The following DMBT1 variants were observed in gnomAD, a reference collection of about 807,000 sequenced individuals.
DMBT1 encodes the protein scavenger receptor cysteine-rich domain-containing protein DMBT1.
DMBT1 carries 198 observed loss-of-function variants against 252.9 expected under a neutral mutation model. The ratio of observed to expected loss-of-function variants is 0.78; its 90% confidence interval spans 0.70 to 0.88. The LOEUF (loss-of-function observed/expected upper bound fraction) is 0.88. Ranked by LOEUF, DMBT1 falls within the 40% of genes least tolerant of loss-of-function variation. The pLI is 0.00. For synonymous variants in DMBT1, 990 were observed against 942.7 expected, an observed-to-expected ratio of 1.05 and a Z score of -0.92; for missense variants, 2,432 against 2,404.7, an observed-to-expected ratio of 1.01 and a Z score of -0.24.
intron 45 of DMBT1, 148 bp from the exon 46 acceptor site, chr10:122,625,785 C>T: frequency 2.8e-6 from 2 of 702,580 alleles, no homozygotes; most frequent in Middle Eastern, 3.2e-4. Context: ...CTAGACCTTA[C>T]TGGCCATGAA....
intron 7 of DMBT1, among the ~76,000 whole-genome samples, 200 bp downstream of exon 7, chr10:122,576,922 T>G (rs996281620): frequency 1.3e-5 from 2 of 152,216 alleles, no homozygotes; most frequent in South Asian, 4.1e-4. Flanking sequence ...GAGAATATAG[T>G]AACAGGTTTC....
Position 122,576,393 on chromosome 10 carries a change from C to A in DMBT1, c.284-6C>A. The A allele has an allele frequency of 6.2e-7, 1 of 1,613,180 alleles. No homozygotes were observed. Among genetic ancestry groups the A allele is most frequent in the Non-Finnish European group, 8.5e-7 (1 of 1,179,438 alleles). The stretch of plus-strand genomic sequence containing the variant: ...TGTGCAAGAGAAATTCTGTGCCTTC[C>A]TCTAGGATCTGATTCTGGTTTGGCC... On this transcript the variant is annotated splice_region_variant and splice_polypyrimidine_tract_variant and intron_variant, in intron 6 of 55. Coordinates refer to ENST00000338354, the MANE Select transcript of DMBT1 (RefSeq NM_001377530.1).
intron 55 of DMBT1, among the ~76,000 whole-genome samples, chr10:122,641,667 A>G (rs1299504279): frequency 1.3e-5 from 2 of 152,208 alleles, no homozygotes; most frequent in Non-Finnish European, 2.9e-5. Context: ...ATTGATTGAC[A>G]TTAATGAAAA....
At chr10:122,598,750 A>T in intron 25 of DMBT1, 24 bp from the exon 26 acceptor site, 1 of 1,612,602 alleles carries the variant, frequency 6.2e-7, no homozygotes. Flanking sequence ...GGGATGGATG[A>T]AGGATTCTTG....
At chr10:122,640,588 T>A (rs1266609632) in intron 55 of DMBT1, 139 bp downstream of exon 55, 2 of 917,702 alleles carry the variant, frequency 2.2e-6, no homozygotes, top group African/African-American at 3.4e-5. Context: ...CCTTTCTACA[T>A]GTAGTGATGT....
intron 25 of DMBT1, 91 bp from the exon 26 acceptor site, chr10:122,598,683 A>G (rs1055286034): frequency 2.5e-6 from 4 of 1,592,238 alleles, no homozygotes; most frequent in Non-Finnish European, 3.4e-6. Flanking sequence ...AGGTGACTTT[A>G]GCCATTAGGA....
chr10:122,597,428 C>T (rs1053374782), intron 24 of DMBT1, among the ~76,000 whole-genome samples: 3 of 152,136 alleles, frequency 2.0e-5, no homozygotes, highest in Non-Finnish European at 4.4e-5. Context: ...TCAGCTAAAG[C>T]CTTAAACATG....
chr10:122,617,897 C>T, intron 40 of DMBT1, 120 bp from the exon 41 acceptor site: 3 of 1,507,194 alleles, frequency 2.0e-6, no homozygotes, highest in Non-Finnish European at 2.7e-6. Context: ...CAGTTGTATG[C>T]AATTGTGACT....
chr10:122,618,300 C>T lies in DMBT1; in HGVS notation c.5175C>T (p.His1725=), dbSNP rs2098020335. The T allele has an allele frequency of 6.2e-7, 1 of 1,613,742 alleles. No individual in the cohort carries two copies. Among genetic ancestry groups the T allele is most frequent in the Admixed American group, 1.7e-5 (1 of 59,992 alleles). The change falls in exon 41 of 56, where the codon CAC becomes CAT. Residue 1725 remains histidine, a synonymous_variant. Transcript: ENST00000338354. ...GCCCCCACAATGGCTGGCTCTCCCA[C>T]AACTGTGGCCATCATGAAGATGCTG... ...WSCPHNGWLS[H]NCGHHEDAGV... is the part of the protein sequence containing the mutation.
At chr10:122,577,227 G>T (rs917664822) in intron 7 of DMBT1, among the ~76,000 whole-genome samples, 1 of 152,210 alleles carries the variant, frequency 6.6e-6, no homozygotes, top group Admixed American at 6.5e-5. Context: ...GATCTGGTTG[G>T]TGAAGCCTTC....
intron 47 of DMBT1, 47 bp downstream of exon 47, chr10:122,630,040 A>G (rs2098148508): frequency 6.2e-7 from 1 of 1,607,914 alleles, no homozygotes; most frequent in Non-Finnish European, 8.5e-7. Context: ...CCTCTGCAGC[A>G]CACCCACTGG....
chr10:122,591,949 T>G (rs965007695), intron 19 of DMBT1, among the ~76,000 whole-genome samples: 2 of 148,964 alleles, frequency 1.3e-5, no homozygotes, highest in African/African-American at 4.9e-5. Context: ...CTCTTCGACA[T>G]GGGGATAGCA....
intron 54 of DMBT1, among the ~76,000 whole-genome samples, chr10:122,637,945 C>T (rs1268176242): frequency 6.6e-6 from 1 of 152,160 alleles, no homozygotes; most frequent in Non-Finnish European, 1.5e-5. Context: ...TCTCTACAGG[C>T]TTGAAGGTGG....
chr10:122,587,156 G>A lies in DMBT1; in HGVS notation c.1783+773G>A, dbSNP rs545961679. On this transcript the variant is annotated intron_variant, in intron 16 of 55. Transcript: ENST00000338354. The stretch of plus-strand genomic sequence containing the variant: ...CAAACTATAGCATGCTGCCTCTCCA[G>A]GGTTCCACCTTTCCCCTACTGAAAG... Among the ~76,000 whole-genome samples the A allele has an allele frequency of 8.8e-5, 13 of 148,258 alleles. 2 individuals are homozygous for A. Among genetic ancestry groups the A allele is most frequent in the Non-Finnish European group, 1.5e-4 (10 of 66,630 alleles).
At chr10:122,561,899 CTCTCTG>C (rs57816388) in intron 1 of DMBT1, among the ~76,000 whole-genome samples, 2 of 148,252 alleles carry the variant, frequency 1.3e-5, no homozygotes, top group Non-Finnish European at 3.0e-5. Context: ...TATCACCTTT[CTCTCTG>C]TCTCTGTCTC....
chr10:122,577,872 C>A, intron 8 of DMBT1, 32 bp downstream of exon 8: 2 of 1,612,014 alleles, frequency 1.2e-6, no homozygotes, highest in Non-Finnish European at 1.7e-6. Context: ...TCGGGATACC[C>A]CTTCTCTTTC....
rs371180735 is a variant in DMBT1 at position 122,598,913 on chromosome 10, G to A, written c.3096G>A (p.Arg1032=). ...CCAATGATGCCAATGTCGTCTGCAG[G>A]CAACTGGGCTGTGGCTGGGCCATGT... ...WDTNDANVVC[R]QLGCGWAMSA... The change falls in exon 26 of 56, where the codon AGG becomes AGA. Residue 1032 remains arginine (R), a synonymous_variant. Coordinates refer to ENST00000338354, the MANE Select transcript of DMBT1 (RefSeq NM_001377530.1). 3 of 1,613,826 alleles carry A rather than the reference G, an allele frequency of 1.9e-6. No individual in the cohort carries two copies. The South Asian group carries it at 3.3e-5, about 18-fold the overall frequency.
intron 54 of DMBT1, among the ~76,000 whole-genome samples, chr10:122,639,685 G>A (rs1566050605): frequency 2.0e-5 from 3 of 152,280 alleles, no homozygotes; most frequent in African/African-American, 4.8e-5. Context: ...GGTTTATTGC[G>A]GTCGTATGGT....
chr10:122,642,511 G>T (rs1240437624), intron 55 of DMBT1, among the ~76,000 whole-genome samples: 1 of 152,194 alleles, frequency 6.6e-6, no homozygotes, highest in African/African-American at 2.4e-5. Context: ...CTGCTGAGAG[G>T]AGGTGCCCCA....
Sources: allele counts gnomAD v4.1 joint callset (sites outside exome capture counted in the v4.1 genomes callset), GRCh38; gene constraint gnomAD v4.1.1; transcripts MANE v1.5; gene names NCBI Gene and HGNC (gene_info 2026-07-23, HGNC 2026-07-21).